The following CNKSR1 variants were observed in gnomAD, a reference collection of about 807,000 sequenced individuals.
CNKSR1 encodes CNK homolog protein 1.
CNKSR1 carries 88 observed loss-of-function variants against 95.6 expected under a neutral mutation model. The observed-to-expected ratio is 0.92, with a 90% confidence interval of 0.78 to 1.10. CNKSR1 has a LOEUF of 1.10. Among genes scored for constraint, CNKSR1 ranks in the 50% least tolerant of loss-of-function variants. The probability of loss-of-function intolerance (pLI) is 0.00; values close to 1 mark genes in which losing one functional copy is unlikely to be tolerated. For missense variants in CNKSR1, 836 were observed against 912.0 expected, an observed-to-expected ratio of 0.92 and a Z score of 1.07; for synonymous variants, 355 against 369.7, an observed-to-expected ratio of 0.96 and a Z score of 0.46.
At chr1:26,189,134 G>C in intron 20 of CNKSR1, 145 bp from the exon 21 acceptor site, 2 of 1,277,556 alleles carry the variant, frequency 1.6e-6, no homozygotes, top group Non-Finnish European at 2.3e-6. Context: ...GTTCCGAGTG[G>C]GGATTTGAGT....
chr1:26,180,800 G>A lies in CNKSR1; in HGVS notation c.296G>A (p.Gly99Asp). ...CATGACTTCCAGAGCATAGTCCAAG[G>A]CTGCCTGGGGGACTGTGCCAAGACC... ...ATHDFQSIVQ[G>D]CLGDCAKTPI... Residue 99 changes from glycine to aspartate, a missense_variant, in exon 3 of 21, where the codon GGC becomes GAC. By Grantham distance (94) the Gly-to-Asp change is moderately conservative. Transcript: ENST00000361530. 1.9e-6 allele frequency: 3 copies of A among 1,614,214 alleles called. No homozygotes were observed. The highest frequency in any genetic ancestry group is 2.5e-6 in the Non-Finnish European group (3 of 1,180,032).
chr1:26,189,056 GACTCA>G (rs2088816783), intron 20 of CNKSR1, 103 bp downstream of exon 20: 1 of 642,706 alleles, frequency 1.6e-6, no homozygotes, highest in Admixed American at 2.9e-5. Context: ...CCAGACTCCA[GACTCA>G]GCTCCGGACC....
Position 26,188,508 on chromosome 1 carries a change from G to T in CNKSR1, c.1590+5G>T, listed in dbSNP as rs1335039147. The T allele has an allele frequency of 6.2e-7, 1 of 1,602,724 alleles. No homozygotes were observed. The highest frequency in any genetic ancestry group is 1.3e-5 in the African/African-American group (1 of 74,894). On this transcript the variant is annotated splice_donor_5th_base_variant and intron_variant, in intron 18 of 20. Transcript: ENST00000361530. ...GCTGGGTCCCACTCAGCCTCGGTGAGTGGGGGGCTGCCGGGGGTAGGAGGT... is the reference window on the plus strand; with the variant it reads ...GCTGGGTCCCACTCAGCCTCGGTGATTGGGGGGCTGCCGGGGGTAGGAGGT...
In CNKSR1 at chr1:26,184,414, T is replaced by TG; in HGVS notation, c.1016dup (p.Glu341Ter). 6.2e-7 allele frequency: 1 copy of TG among 1,613,298 alleles called. No individual in the cohort carries two copies. The highest frequency in any genetic ancestry group is 8.5e-7 in the Non-Finnish European group (1 of 1,179,608). On this transcript the variant is annotated frameshift_variant, in exon 12 of 21. Coordinates refer to ENST00000361530, the MANE Select transcript of CNKSR1 (RefSeq NM_006314.3). LOFTEE classifies it high-confidence loss of function. Reference sequence around the variant, plus strand: ...CCTCCCTGACAGACTCTGCCTCCCTTGGCCCTGAGCCCCTGCCCATCCCCC... The same window carrying TG: ...CCTCCCTGACAGACTCTGCCTCCCTTGGGCCCTGAGCCCCTGCCCATCCCCC...
chr1:26,177,796 G>A (rs537088581), intron 1 of CNKSR1, among the ~76,000 whole-genome samples, 197 bp downstream of exon 1: 10 of 152,228 alleles, frequency 6.6e-5, no homozygotes, highest in Middle Eastern at 3.4e-3. Context: ...GTGAAACCCC[G>A]TCTCTACTAA....
chr1:26,183,306 T>C (rs1557621457), intron 7 of CNKSR1, 40 bp from the exon 8 acceptor site: 1 of 1,613,994 alleles, frequency 6.2e-7, no homozygotes, highest in Non-Finnish European at 8.5e-7. Flanking sequence ...GCCTCTCACC[T>C]GCAAGCCAGG....
At chr1:26,188,029 G>GCCACC (rs2088786340) in intron 16 of CNKSR1, among the ~76,000 whole-genome samples, 1 of 151,988 alleles carries the variant, frequency 6.6e-6, no homozygotes, top group African/African-American at 2.4e-5. Context: ...CCAAAGTGCT[G>GCCACC]GGGTGACAGA....
In CNKSR1 at chr1:26,183,809, G is replaced by A. The variant is rs377138617; in HGVS notation, c.834G>A (p.Pro278=). The change falls in exon 9 of 21, where the codon CCG becomes CCA. Residue 278 remains proline, a synonymous_variant. Transcript: ENST00000361530. ...TCAGCTTAGTGCTGAAGAAGATCCC[G>A]ATACCGGAGACCCCCCCACAGGTAC... ...AGLSLVLKKI[P]IPETPPQTPP... is the part of the protein sequence containing the mutation. The A allele has an allele frequency of 3.2e-5, 51 of 1,610,270 alleles. No individual in the cohort carries two copies. Among genetic ancestry groups the A allele is most frequent in the African/African-American group, 4.0e-5 (3 of 74,432 alleles).
chr1:26,185,208 C>A, intron 14 of CNKSR1, 22 bp downstream of exon 14: 1 of 1,550,230 alleles, frequency 6.5e-7, no homozygotes, highest in Non-Finnish European at 8.7e-7. Flanking sequence ...TACACAAAAA[C>A]AGGTAGGCAA....
At chr1:26,181,717 C>T in intron 3 of CNKSR1, 140 bp from the exon 4 acceptor site, 1 of 759,654 alleles carries the variant, frequency 1.3e-6, no homozygotes, top group South Asian at 1.5e-5. Context: ...TTAGATGTCT[C>T]AATCATCTCC....
chr1:26,177,494 T>C lies in CNKSR1; in HGVS notation c.-54T>C, dbSNP rs2088579661. The C allele has an allele frequency of 1.9e-6, 3 of 1,609,778 alleles. No individual in the cohort carries two copies. Among genetic ancestry groups the C allele is most frequent in the East Asian group, 4.5e-5 (2 of 44,808 alleles). On this transcript the variant is annotated 5_prime_UTR_variant, in exon 1 of 21. Coordinates refer to ENST00000361530, the MANE Select transcript of CNKSR1 (RefSeq NM_006314.3). Reference sequence around the variant, plus strand: ...TAGGCCTGGGCTCTGGGAGCGGAAATTCCGGCGACAGCAGGGCAAAACAGG... The same window carrying C: ...TAGGCCTGGGCTCTGGGAGCGGAAACTCCGGCGACAGCAGGGCAAAACAGG...
rs2088620055 is a variant in CNKSR1, at chr1:26,180,103, CCT to C, written c.53-349_53-348del. 111 of 350,132 alleles carry C rather than the reference CCT, an allele frequency of 3.2e-4. 2 individuals carry two copies. Among genetic ancestry groups the C allele is most frequent in the South Asian group, 2.5e-3 (107 of 42,140 alleles). The allele number at this position is 350,132 out of a possible 1,614,324, so 21.7% of individuals were successfully genotyped here. ...GTGAGCCGTGACTGTGTCTCAAGCC[CCT>C]GTCTCAAAAAGAAAAAACAAAACAA... On this transcript the variant is annotated intron_variant, in intron 1 of 20. Transcript: ENST00000361530.
In CNKSR1 at chr1:26,188,672, A is replaced by C. The variant is rs370607246; in HGVS notation, c.1665A>C (p.Pro555=). 1.6e-5 allele frequency: 26 copies of C among 1,613,650 alleles called. No individual in the cohort carries two copies. The highest frequency in any genetic ancestry group is 6.7e-5 in the Admixed American group (4 of 60,002). ...CAGCCACCCCCACACAGCGCAGCCC[A>C]CGGACCTCCTTTGGCTCTCTGACAG... ...SPAATPTQRS[P]RTSFGSLTDS... is the part of the protein sequence containing the mutation. Residue 555 remains proline (P), a synonymous_variant, in exon 19 of 21, where the codon CCA becomes CCC. Transcript: ENST00000361530.
In CNKSR1 at chr1:26,182,699, T is replaced by A. The variant is rs1035421862; in HGVS notation, c.624+115T>A. 1.1e-5 allele frequency: 11 copies of A among 968,280 alleles called. No homozygotes were observed. The African/African-American group carries it at 1.6e-4, about 14-fold the overall frequency. 60.0% of individuals were successfully genotyped at this position (968,280 alleles called of 1,614,324 possible). A position where few individuals can be genotyped will look rare whatever the true frequency, so the allele number is the denominator to read the frequency against. On this transcript the variant is annotated intron_variant, in intron 6 of 20. Transcript: ENST00000361530. ...TGCTGCCATGGCTGGAAAGCCTTTT[T>A]TGTACAGATGCTAAAATGGAGGCCC...
At position 26,188,307 on chromosome 1, in the gene CNKSR1, G is replaced by T; in HGVS notation, c.1528G>T (p.Asp510Tyr). The stretch of plus-strand genomic sequence containing the variant: ...CCGGGCCCCCCCACCCCGAGAGGAA[G>T]GTAGGTGTCTCGCAGGGTTGAGTGG... ...PGRAPPPREE[D>Y]CYSETEAEDP... The change falls in exon 17 of 21, where the codon GAC becomes TAC. Residue 510 changes from aspartate (D) to tyrosine (Y), a missense_variant and splice_region_variant. Coordinates refer to ENST00000361530, the MANE Select transcript of CNKSR1 (RefSeq NM_006314.3). 6.2e-7 allele frequency: 1 copy of T among 1,614,056 alleles called. No homozygotes were observed.
At position 26,188,509 on chromosome 1, in the gene CNKSR1, TG is replaced by T; in HGVS notation, c.1590+12del. ...CTGGGTCCCACTCAGCCTCGGTGAG[TG>T]GGGGGCTGCCGGGGGTAGGAGGTGG... On this transcript the variant is annotated splice_region_variant and intron_variant, in intron 18 of 20. Transcript: ENST00000361530. 1 of 1,601,392 alleles carries T rather than the reference TG, an allele frequency of 6.2e-7. No homozygotes were observed. Among genetic ancestry groups the T allele is most frequent in the Non-Finnish European group, 8.5e-7 (1 of 1,174,574 alleles).
Position 26,188,654 on chromosome 1 carries a change from C to G in CNKSR1, c.1647C>G (p.Thr549=), listed in dbSNP as rs1038127658. ...PLHGDTSPAA[T]PTQRSPRTSF... The stretch of plus-strand genomic sequence containing the variant: ...ATGGAGACACATCACCTGCAGCCAC[C>G]CCCACACAGCGCAGCCCACGGACCT... Residue 549 remains threonine, a synonymous_variant, in exon 19 of 21, where the codon ACC becomes ACG. Transcript: ENST00000361530. 1 of 1,613,898 alleles carries G rather than the reference C, an allele frequency of 6.2e-7. No homozygotes were observed. Among genetic ancestry groups the G allele is most frequent in the Non-Finnish European group, 8.5e-7 (1 of 1,179,924 alleles).
Position 26,185,187 on chromosome 1 carries a change from G to A in CNKSR1, c.1308+1G>A, listed in dbSNP as rs748191465. 6.4e-6 allele frequency: 10 copies of A among 1,552,468 alleles called. No individual in the cohort carries two copies. In the East Asian group the frequency reaches 2.2e-4, roughly 34 times the overall value. Reference sequence around the variant, plus strand: ...GCTCTACTGGTACCGCCAGCCCCAGGTAAGACCCCATACACAAAAACAGGT... The same window carrying A: ...GCTCTACTGGTACCGCCAGCCCCAGATAAGACCCCATACACAAAAACAGGT... On this transcript the variant is annotated splice_donor_variant, in intron 14 of 20. Transcript: ENST00000361530. LOFTEE classifies it high-confidence loss of function.
chr1:26,189,307 A>C lies in CNKSR1; in HGVS notation c.1901A>C (p.Glu634Ala), dbSNP rs1057300547. The C allele has an allele frequency of 6.2e-7, 1 of 1,613,994 alleles. No homozygotes were observed. The highest frequency in any genetic ancestry group is 1.3e-5 in the African/African-American group (1 of 74,918). The change falls in exon 21 of 21, where the codon GAA becomes GCA. Residue 634 changes from glutamate to alanine, a missense_variant. Glu to Ala is a moderately radical substitution (Grantham distance 107). Coordinates refer to ENST00000361530, the MANE Select transcript of CNKSR1 (RefSeq NM_006314.3). Reference sequence around the variant, plus strand: ...AAGCTGCAGGAGCTGCAGGTCCTAGAAGAAGTGCTGGGTGACCCTGAGCTG... The same window carrying C: ...AAGCTGCAGGAGCTGCAGGTCCTAGCAGAAGTGCTGGGTGACCCTGAGCTG... Reference protein sequence around the residue: ...KAKLQELQVLEEVLGDPELTG... With the variant: ...KAKLQELQVLAEVLGDPELTG...
Sources: gnomAD v4.1 joint callset for allele counts (sites outside exome capture counted in the v4.1 genomes callset) on GRCh38, gnomAD v4.1.1 for gene constraint, MANE v1.5 for transcripts, NCBI Gene and HGNC (gene_info 2026-07-23, HGNC 2026-07-21) for gene names.